The following CKAP4 variants were observed in gnomAD, a reference collection of about 807,000 sequenced individuals.
CKAP4 encodes the protein cytoskeleton-associated protein 4.
In CKAP4, 20 loss-of-function variants were observed where a neutral mutation model predicts 24.4. That is an observed-to-expected ratio of 0.82 (90% CI 0.58 to 1.19). The LOEUF is 1.19. Ranked by LOEUF, CKAP4 falls within the 50% of genes most tolerant of loss-of-function variation. The pLI is 0.00. For missense variants in CKAP4, 744 were observed against 765.3 expected, an observed-to-expected ratio of 0.97 and a Z score of 0.33; for synonymous variants, 378 against 351.7, an observed-to-expected ratio of 1.07 and a Z score of -0.84.
chr12:106,246,126 G>A (rs1413181406), intron 1 of CKAP4, among the ~76,000 whole-genome samples: 6 of 152,178 alleles, frequency 3.9e-5, no homozygotes, highest in Non-Finnish European at 8.8e-5. Flanking sequence ...CAGAAGGGTG[G>A]AAGCTAAGCA....
Position 106,247,336 on chromosome 12 carries a change from G to A in CKAP4, c.483+33C>T, listed in dbSNP as rs1305835404. On this transcript the variant is annotated intron_variant, in intron 1 of 1. Coordinates refer to ENST00000378026, the MANE Select transcript of CKAP4 (RefSeq NM_006825.4). The surrounding 1 kb of genome is among the most constrained non-coding windows in gnomAD (Gnocchi z 4.5). Reference sequence around the variant, plus strand: ...GGCCGTGGGTCCGGAGGCCGCAGTCGATGGGGACAGTTGCGGGGCCGGGGG... The same window carrying A: ...GGCCGTGGGTCCGGAGGCCGCAGTCAATGGGGACAGTTGCGGGGCCGGGGG... The A allele has an allele frequency of 6.6e-7, 1 of 1,507,326 alleles. No homozygotes were observed. Among genetic ancestry groups the A allele is most frequent in the Admixed American group, 2.0e-5 (1 of 49,622 alleles). 93.4% of individuals were successfully genotyped at this position (1,507,326 alleles called of 1,614,324 possible).
At position 106,239,784 on chromosome 12, in the gene CKAP4, T is replaced by C. The variant is rs779745599; in HGVS notation, c.1049A>G (p.Gln350Arg). ...CCTGAGAAGCTTCTCCGTGAGGGCCTGCAGGGCGAGCCGCTCCGTGTCGGC... is the reference window on the plus strand; with the variant it reads ...CCTGAGAAGCTTCTCCGTGAGGGCCCGCAGGGCGAGCCGCTCCGTGTCGGC... ...EAADTERLAL[Q>R]ALTEKLLRSE... Residue 350 changes from glutamine (Q) to arginine (R), a missense_variant, in exon 2 of 2, where the codon CAG becomes CGG. By Grantham distance (43) the Gln-to-Arg change is conservative (BLOSUM62 1). Transcript: ENST00000378026. The surrounding 1 kb of genome is among the most constrained non-coding windows in gnomAD (Gnocchi z 4.9). 2 of 1,613,898 alleles carry C rather than the reference T, an allele frequency of 1.2e-6. No individual in the cohort carries two copies. Among genetic ancestry groups the C allele is most frequent in the Non-Finnish European group, 1.7e-6 (2 of 1,179,976 alleles).
At position 106,247,252 on chromosome 12, in the gene CKAP4, C is replaced by A. The variant is rs184719248; in HGVS notation, c.483+117G>T. On this transcript the variant is annotated intron_variant, in intron 1 of 1. Transcript: ENST00000378026. This position sits in a 1 kb window ranked among gnomAD's most constrained non-coding sequence, Gnocchi z 4.5. ...GCCCGCCAAGGAGGAGCGGCCGGCT[C>A]CCGCCTCCGGGCCTGGGCAGGCAGC... 1 of 927,652 alleles carries A rather than the reference C, an allele frequency of 1.1e-6. No homozygotes were observed. 57.5% of individuals were successfully genotyped at this position (927,652 alleles called of 1,614,324 possible).
Position 106,247,581 on chromosome 12 carries a change from C to A in CKAP4, c.271G>T (p.Ala91Ser). 7.3e-7 allele frequency: 1 copy of A among 1,365,062 alleles called. No individual in the cohort carries two copies. The allele number at this position is 1,365,062 out of a possible 1,614,324, so 84.6% of individuals were successfully genotyped here. ...GACGCCGAGGACGAGGCGGCGGCGG[C>A]GGCAGCGGCGGCGGAGGCGGAGGAG... ...SSSSASAAAA[A>S]AAASSSASCS... Residue 91 changes from alanine (A) to serine (S), a missense_variant, in exon 1 of 2, where the codon GCC becomes TCC. Transcript: ENST00000378026. This position sits in a 1 kb window ranked among gnomAD's most constrained non-coding sequence, Gnocchi z 4.5.
Position 106,238,890 on chromosome 12 carries a change from G to C in CKAP4, c.*134C>G, listed in dbSNP as rs1040834773. On this transcript the variant is annotated 3_prime_UTR_variant, in exon 2 of 2. Coordinates refer to ENST00000378026, the MANE Select transcript of CKAP4 (RefSeq NM_006825.4). The stretch of plus-strand genomic sequence containing the variant: ...CTGGGCATGAAAATACAATGCCTTG[G>C]TGTTCAGGTGGTGACAACTGCTCTT... 18 of 843,922 alleles carry C rather than the reference G, an allele frequency of 2.1e-5. No individual in the cohort carries two copies. The highest frequency in any genetic ancestry group is 3.4e-5 in the Non-Finnish European group (18 of 529,394). The allele number at this position is 843,922 out of a possible 1,614,324, so 52.3% of individuals were successfully genotyped here. A position where few individuals can be genotyped will look rare whatever the true frequency, so the allele number is the denominator to read the frequency against.
intron 1 of CKAP4, among the ~76,000 whole-genome samples, chr12:106,241,556 A>G (rs1227560028): frequency 6.6e-6 from 1 of 151,894 alleles, no homozygotes; most frequent in Non-Finnish European, 1.5e-5. Context: ...GATGGTCTCG[A>G]TCTCCTGACC....
rs766856169 is a variant in CKAP4 at position 106,239,227 on chromosome 12, G to T, written c.1606C>A (p.Leu536Ile). ...CTGACTGAGGCTTTCAGGTTGTCTA[G>T]AGAAGAAAGTCTGTCCAGGAAGTCC... ...PQDFLDRLSS[L>I]DNLKASVSQV... The change falls in exon 2 of 2, where the codon CTA (leucine) becomes ATA (isoleucine). Residue 536 changes from leucine (L) to isoleucine (I), a missense_variant. Physicochemically the swap from Leu to Ile is conservative, Grantham distance 5. Transcript: ENST00000378026. This position sits in a 1 kb window ranked among gnomAD's most constrained non-coding sequence, Gnocchi z 4.9. 1 of 1,614,134 alleles carries T rather than the reference G, an allele frequency of 6.2e-7. No homozygotes were observed. Among genetic ancestry groups the T allele is most frequent in the East Asian group, 2.2e-5 (1 of 44,886 alleles).
At position 106,239,876 on chromosome 12, in the gene CKAP4, A is replaced by G. The variant is rs1278626272; in HGVS notation, c.957T>C (p.Ser319=). The G allele has an allele frequency of 5.6e-6, 9 of 1,612,248 alleles. No individual in the cohort carries two copies. The highest frequency in any genetic ancestry group is 1.3e-5 in the African/African-American group (1 of 74,280). Residue 319 remains serine, a synonymous_variant, in exon 2 of 2, where the codon TCT becomes TCC. Coordinates refer to ENST00000378026, the MANE Select transcript of CKAP4 (RefSeq NM_006825.4). This position sits in a 1 kb window ranked among gnomAD's most constrained non-coding sequence, Gnocchi z 4.9. ...ALRSTLQTME[S]DIYTEVRELV... is the part of the protein sequence containing the mutation. ...GCTCGCGGACCTCGGTGTAGATGTCAGACTCCATAGTCTGAAGGGTACTTC... is the reference window on the plus strand; with the variant it reads ...GCTCGCGGACCTCGGTGTAGATGTCGGACTCCATAGTCTGAAGGGTACTTC...
chr12:106,244,921 G>T (rs572803333), intron 1 of CKAP4, among the ~76,000 whole-genome samples: 1 of 152,180 alleles, frequency 6.6e-6, no homozygotes, highest in African/African-American at 2.4e-5. Context: ...CCCCAAAGAA[G>T]AAAGTGATCT....
Position 106,247,814 on chromosome 12 carries a change from T to C in CKAP4, c.38A>G (p.His13Arg), listed in dbSNP as rs1469210801. Residue 13 changes from histidine (H) to arginine (R), a missense_variant, in exon 1 of 2, where the codon CAC becomes CGC. Around this residue, in one of 3 missense-constraint regions of CKAP4, gnomAD observed 300 missense variants for 264.5 expected, o/e 1.13. Coordinates refer to ENST00000378026, the MANE Select transcript of CKAP4 (RefSeq NM_006825.4). This position sits in a 1 kb window ranked among gnomAD's most constrained non-coding sequence, Gnocchi z 4.5. ...CTTCTCCGAGGGGCTCGCGGCGCCG[T>C]GGCCGCCCTTGGAGCCCCTTTGTTT... is the stretch of plus-strand genomic sequence containing the variant. ...SAKQRGSKGG[H>R]GAASPSEKGA... 1 of 1,048,134 alleles carries C rather than the reference T, an allele frequency of 9.5e-7. No homozygotes were observed. The highest frequency in any genetic ancestry group is 1.7e-5 in the African/African-American group (1 of 57,712). The allele number at this position is 1,048,134 out of a possible 1,614,324, so 64.9% of individuals were successfully genotyped here. A position where few individuals can be genotyped will look rare whatever the true frequency, so the allele number is the denominator to read the frequency against.
Position 106,247,739 on chromosome 12 carries a change from G to A in CKAP4, c.113C>T (p.Pro38Leu), listed in dbSNP as rs1187381500. The A allele has an allele frequency of 4.8e-6, 5 of 1,041,050 alleles. No individual in the cohort carries two copies. The highest frequency in any genetic ancestry group is 5.7e-6 in the Non-Finnish European group (5 of 870,664). The allele number at this position is 1,041,050 out of a possible 1,614,324, so 64.5% of individuals were successfully genotyped here. A position where few individuals can be genotyped will look rare whatever the true frequency, so the allele number is the denominator to read the frequency against. The change falls in exon 1 of 2, where the codon CCG becomes CTG. Residue 38 changes from proline to leucine, a missense_variant. Around this residue, in one of 3 missense-constraint regions of CKAP4, gnomAD observed 300 missense variants for 264.5 expected, o/e 1.13. Coordinates refer to ENST00000378026, the MANE Select transcript of CKAP4 (RefSeq NM_006825.4). This position sits in a 1 kb window ranked among gnomAD's most constrained non-coding sequence, Gnocchi z 4.5. ...GADDVAKKPP[P>L]APQQPPPPPA... ...CGGCGGCGGCGGCTGCTGCGGCGCCGGCGGCGGCTTCTTCGCCACGTCATC... is the reference window on the plus strand; with the variant it reads ...CGGCGGCGGCGGCTGCTGCGGCGCCAGCGGCGGCTTCTTCGCCACGTCATC...
rs377249485 is a variant in CKAP4 at position 106,239,953 on chromosome 12, T to C, written c.880A>G (p.Lys294Glu). 141 of 1,614,054 alleles carry C rather than the reference T, an allele frequency of 8.7e-5. No individual in the cohort carries two copies. Among genetic ancestry groups the C allele is most frequent in the Non-Finnish European group, 1.2e-4 (137 of 1,180,042 alleles). The change falls in exon 2 of 2, where the codon AAG becomes GAG. Residue 294 changes from lysine (K) to glutamate (E), a missense_variant. Lys to Glu is a moderately conservative substitution (Grantham distance 56, BLOSUM62 1). Transcript: ENST00000378026. This position sits in a 1 kb window ranked among gnomAD's most constrained non-coding sequence, Gnocchi z 4.9. ...QDLKALKEAV[K>E]EIQTSAKSRE... ...GACTTGGCTGAGGTCTGTATCTCCT[T>C]CACAGCTTCCTTTAAGGCTTTCAAA... is the stretch of plus-strand genomic sequence containing the variant.
intron 1 of CKAP4, among the ~76,000 whole-genome samples, chr12:106,241,768 T>G (rs905662283): frequency 6.6e-6 from 1 of 152,126 alleles, no homozygotes; most frequent in African/African-American, 2.4e-5. Flanking sequence ...ATTTTCTGGC[T>G]TCAGGACAGG....
In CKAP4 at chr12:106,238,488, A is replaced by G. The variant is rs1418082210; in HGVS notation, c.*536T>C. ...TCAAGCAGCGGATTCCTTTCAAAGA[A>G]AGACCCAGGGGCTTCTCCCCTCCTC... On this transcript the variant is annotated 3_prime_UTR_variant, in exon 2 of 2. Transcript: ENST00000378026. 6.5e-6 allele frequency: 1 copy of G among 153,802 alleles called. No individual in the cohort carries two copies. Among genetic ancestry groups the G allele is most frequent in the South Asian group, 2.1e-4 (1 of 4,866 alleles). 9.5% of individuals were successfully genotyped at this position (153,802 alleles called of 1,614,324 possible). A position where few individuals can be genotyped will look rare whatever the true frequency, so the allele number is the denominator to read the frequency against.
rs7112 is a variant in CKAP4 at position 106,238,353 on chromosome 12, G to C, written c.*671C>G. 0.066 allele frequency: 10,119 copies of C among 152,702 alleles called. 417 individuals carry two copies. The highest frequency in any genetic ancestry group is 0.18 in the South Asian group (859 of 4,806). The allele number at this position is 152,702 out of a possible 1,614,324, so 9.5% of individuals were successfully genotyped here. A position where few individuals can be genotyped will look rare whatever the true frequency, so the allele number is the denominator to read the frequency against. ...GACAGAGGGCACCGGGACTCTGCTG[G>C]GTGTAGTGCTTCACATTCAGAACCG... On this transcript the variant is annotated 3_prime_UTR_variant, in exon 2 of 2. Coordinates refer to ENST00000378026, the MANE Select transcript of CKAP4 (RefSeq NM_006825.4).
intron 1 of CKAP4, among the ~76,000 whole-genome samples, chr12:106,241,592 C>T (rs932257770): frequency 6.6e-6 from 1 of 152,160 alleles, no homozygotes; most frequent in Non-Finnish European, 1.5e-5. Flanking sequence ...CTCGGCCTCC[C>T]AAAGTGCTGG....
chr12:106,243,648 T>G (rs1267062232), intron 1 of CKAP4, among the ~76,000 whole-genome samples: 1 of 152,208 alleles, frequency 6.6e-6, no homozygotes, highest in African/African-American at 2.4e-5. Context: ...CAGGACCCAC[T>G]TGTGCCTGCT....
rs773127116 is a variant in CKAP4 at position 106,239,001 on chromosome 12, C to G, written c.*23G>C. ...GTCATGAGAAATTGGACTTTAAATC[C>G]GCGCCCTGCACACGCAATTCATTTA... On this transcript the variant is annotated 3_prime_UTR_variant, in exon 2 of 2. Transcript: ENST00000378026. The surrounding 1 kb of genome is among the most constrained non-coding windows in gnomAD (Gnocchi z 4.9). 2 of 1,600,806 alleles carry G rather than the reference C, an allele frequency of 1.2e-6. No homozygotes were observed. The highest frequency in any genetic ancestry group is 2.2e-5 in the South Asian group (2 of 90,330).
Position 106,247,041 on chromosome 12 carries a change from G to A in CKAP4, c.483+328C>T. On this transcript the variant is annotated intron_variant, in intron 1 of 1. Coordinates refer to ENST00000378026, the MANE Select transcript of CKAP4 (RefSeq NM_006825.4). The surrounding 1 kb of genome is among the most constrained non-coding windows in gnomAD (Gnocchi z 4.5). Reference sequence around the variant, plus strand: ...AGAAAGAATGGGCTCCCCGGAGCCTGCCGGCTTCCTTACAGGTCACCGCTA... The same window carrying A: ...AGAAAGAATGGGCTCCCCGGAGCCTACCGGCTTCCTTACAGGTCACCGCTA... The A allele has an allele frequency of 3.9e-6, 1 of 255,998 alleles. No homozygotes were observed. Among genetic ancestry groups the A allele is most frequent in the Non-Finnish European group, 7.5e-6 (1 of 133,636 alleles). The allele number at this position is 255,998 out of a possible 1,614,324, so 15.9% of individuals were successfully genotyped here. A position where few individuals can be genotyped will look rare whatever the true frequency, so the allele number is the denominator to read the frequency against.
Sources: allele counts gnomAD v4.1 joint callset (sites outside exome capture counted in the v4.1 genomes callset), GRCh38; gene constraint gnomAD v4.1.1; regional missense constraint gnomAD v4.1.1; non-coding constraint Gnocchi (gnomAD v3.1); transcripts MANE v1.5; gene names NCBI Gene and HGNC (gene_info 2026-07-23, HGNC 2026-07-21).